PPP1R42: variants seen among roughly 807,000 people sequenced by gnomAD.
PPP1R42 encodes the protein leucine rich repeat containing 67.
In PPP1R42, 34 loss-of-function variants were observed where a neutral mutation model predicts 31.0. The ratio of observed to expected loss-of-function variants is 1.10; its 90% CI spans 0.83 to 1.46. PPP1R42 has a LOEUF of 1.46. Ranked by LOEUF, PPP1R42 falls within the 40% of genes most tolerant of loss-of-function variation. PPP1R42 has a pLI of 0.00. For synonymous variants in PPP1R42, 103 were observed against 109.8 expected, an observed-to-expected ratio of 0.94 and a Z score of 0.39; for missense variants, 268 against 303.0, an observed-to-expected ratio of 0.88 and a Z score of 0.86.
At chr8:66,976,003 A>G (rs1563414191) in intron 7 of PPP1R42, among the ~76,000 whole-genome samples, 1 of 152,200 alleles carries the variant, frequency 6.6e-6, no homozygotes, top group Non-Finnish European at 1.5e-5. Context: ...CGCATAGCAG[A>G]AGGTGAGTGG....
intron 2 of PPP1R42, among the ~76,000 whole-genome samples, chr8:67,015,820 C>T (rs748133825): frequency 1.6e-4 from 24 of 152,066 alleles, no homozygotes; most frequent in Middle Eastern, 3.2e-3. Flanking sequence ...AATAGACAAG[C>T]GGTAAAGTGA....
intron 1 of PPP1R42, among the ~76,000 whole-genome samples, chr8:67,019,867 G>C (rs1816156501): frequency 6.6e-6 from 1 of 150,922 alleles, no homozygotes; most frequent in Non-Finnish European, 1.5e-5. Context: ...CAGCCTGGGC[G>C]ACAGAGCGAG....
Position 66,979,819 on chromosome 8 carries a change from AGTTGT to A in PPP1R42, c.802+2225_802+2229del, listed in dbSNP as rs570920105. Among the ~76,000 whole-genome samples, 586 of 152,198 alleles carry A rather than the reference AGTTGT, an allele frequency of 3.9e-3. 3 individuals carry two copies. The highest frequency in any genetic ancestry group is 0.013 in the African/African-American group (556 of 41,520). On this transcript the variant is annotated intron_variant, in intron 7 of 7. Coordinates refer to ENST00000685739, the MANE Select transcript of PPP1R42 (RefSeq NM_001364910.1). ...TGGTTAGTAGACTATAATTTTTTTA[AGTTGT>A]AAATTTAAAGACATATTATTATTTT... is the stretch of plus-strand genomic sequence containing the variant.
At chr8:67,003,227 A>C (rs1285243587) in intron 5 of PPP1R42, among the ~76,000 whole-genome samples, 1 of 149,426 alleles carries the variant, frequency 6.7e-6, no homozygotes, top group Non-Finnish European at 1.5e-5. Context: ...TTTTCCCCAC[A>C]CTTTCCATTT....
At chr8:66,986,610 C>T (rs564165750) in intron 6 of PPP1R42, among the ~76,000 whole-genome samples, 1 of 152,282 alleles carries the variant, frequency 6.6e-6, no homozygotes, top group Non-Finnish European at 1.5e-5. Context: ...GAAACGTTTC[C>T]GTGAACAAGT....
chr8:66,976,221 C>T (rs898025227), intron 7 of PPP1R42, among the ~76,000 whole-genome samples: 19 of 152,012 alleles, frequency 1.2e-4, no homozygotes, highest in Admixed American at 1.2e-3. Flanking sequence ...TCTCTCATTA[C>T]TCCCAGATAG....
intron 7 of PPP1R42, among the ~76,000 whole-genome samples, chr8:66,973,531 C>G (rs1377338113): frequency 6.6e-6 from 1 of 152,170 alleles, no homozygotes; most frequent in African/African-American, 2.4e-5. Context: ...GTCTCGAACT[C>G]CTGACCTCAA....
intron 6 of PPP1R42, chr8:66,985,170 C>G: frequency 8.0e-6 from 9 of 1,131,766 alleles, no homozygotes; most frequent in Non-Finnish European, 1.2e-5. Context: ...AAATCTCTGC[C>G]TGAAGCTTCT....
At chr8:66,996,005 T>A (rs1432709862) in intron 5 of PPP1R42, among the ~76,000 whole-genome samples, 1 of 152,206 alleles carries the variant, frequency 6.6e-6, no homozygotes, top group Non-Finnish European at 1.5e-5. Flanking sequence ...TCCCACTATG[T>A]CAGTAGAGTT....
intron 6 of PPP1R42, chr8:66,985,199 T>G (rs1418611674): frequency 8.8e-7 from 1 of 1,130,830 alleles, no homozygotes; most frequent in Non-Finnish European, 1.3e-6. Context: ...GCCTTTGTCC[T>G]TAATCGCTGA....
chr8:66,986,006 T>TC, intron 6 of PPP1R42: 2 of 747,822 alleles, frequency 2.7e-6, no homozygotes, highest in Non-Finnish European at 5.0e-6. Flanking sequence ...GCCTAGAGCT[T>TC]CCGCCTTCCT....
At chr8:66,982,206 A>T in intron 6 of PPP1R42, 26 bp from the exon 7 acceptor site, 1 of 1,213,472 alleles carries the variant, frequency 8.2e-7, no homozygotes, top group Non-Finnish European at 1.1e-6. Context: ...TACATTTAAA[A>T]AATACAATAT....
At chr8:66,981,139 G>A (rs888198687) in intron 7 of PPP1R42, among the ~76,000 whole-genome samples, 6 of 151,994 alleles carry the variant, frequency 3.9e-5, no homozygotes, top group African/African-American at 7.3e-5. Flanking sequence ...ACCGTGCCCC[G>A]CCAGACTAGT....
At chr8:67,027,443 G>C (rs1182582284) in intron 1 of PPP1R42, among the ~76,000 whole-genome samples, 3 of 152,132 alleles carry the variant, frequency 2.0e-5, no homozygotes, top group Admixed American at 2.0e-4. Flanking sequence ...TCATCAGCAA[G>C]CTATAGGAAA....
chr8:67,006,333 T>C (rs2129536737), intron 5 of PPP1R42, among the ~76,000 whole-genome samples: 1 of 152,312 alleles, frequency 6.6e-6, no homozygotes, highest in East Asian at 1.9e-4. Flanking sequence ...CAAAATCTTC[T>C]CTGCTTAGGT....
intron 2 of PPP1R42, among the ~76,000 whole-genome samples, chr8:67,015,027 T>A (rs561867990): frequency 8.1e-4 from 124 of 152,260 alleles, no homozygotes; most frequent in African/African-American, 2.6e-3. Context: ...TATTATTATT[T>A]TTTTTTCCTG....
intron 1 of PPP1R42, among the ~76,000 whole-genome samples, chr8:67,027,996 G>T (rs931724704): frequency 6.6e-6 from 1 of 152,160 alleles, no homozygotes; most frequent in East Asian, 1.9e-4. Context: ...TCGGTTTGGG[G>T]GGTACATGTG....
intron 6 of PPP1R42, chr8:66,985,356 C>T: frequency 2.6e-6 from 2 of 769,034 alleles, no homozygotes; most frequent in Non-Finnish European, 4.6e-6. Context: ...GAATGGTTCC[C>T]TCCGAAGAGG....
chr8:67,015,469 C>A (rs1206552410), intron 2 of PPP1R42, among the ~76,000 whole-genome samples: 2 of 151,856 alleles, frequency 1.3e-5, no homozygotes, highest in Non-Finnish European at 2.9e-5. Context: ...TTCAATATGA[C>A]CCACTACTGT....
Sources: allele counts gnomAD v4.1 joint callset (sites outside exome capture counted in the v4.1 genomes callset), GRCh38; gene constraint gnomAD v4.1.1; transcripts MANE v1.5; gene names NCBI Gene and HGNC (gene_info 2026-07-23, HGNC 2026-07-21).